PIK3CB: variants seen among roughly 807,000 people sequenced by gnomAD.
The protein encoded by PIK3CB is phosphatidylinositol 4,5-bisphosphate 3-kinase catalytic subunit beta isoform.
Under a neutral mutation model 136.8 loss-of-function variants are expected in PIK3CB, and 39 were observed. That is an observed-to-expected ratio of 0.29 (90% CI 0.22 to 0.37). PIK3CB has a LOEUF of 0.37. Among genes scored for constraint, PIK3CB ranks in the 10% least tolerant of loss-of-function variants. PIK3CB has a pLI of 1.00. For missense variants in PIK3CB, 868 were observed against 1,275.4 expected, an observed-to-expected ratio of 0.68 and a Z score of 4.87; for synonymous variants, 428 against 436.6, an observed-to-expected ratio of 0.98 and a Z score of 0.25.
At chr3:138,705,200 A>AAAAAAAAAAAAT (rs2044353746) in intron 11 of PIK3CB, among the ~76,000 whole-genome samples, 2 of 144,258 alleles carry the variant, frequency 1.4e-5, no homozygotes, top group Non-Finnish European at 3.0e-5. Flanking sequence ...CAAAAAAAAA[A>AAAAAAAAAAAAT]ACTTATATTT....
At chr3:138,740,430 C>T (rs551992703) in intron 5 of PIK3CB, among the ~76,000 whole-genome samples, 1 of 152,108 alleles carries the variant, frequency 6.6e-6, no homozygotes, top group Non-Finnish European at 1.5e-5. Context: ...TTATAAGCCA[C>T]CCAGTCTATG....
intron 1 of PIK3CB, among the ~76,000 whole-genome samples, chr3:138,811,500 A>ACTGCAACCTCCGCCTCC: frequency 6.7e-6 from 1 of 148,780 alleles, no homozygotes; most frequent in East Asian, 2.0e-4. Flanking sequence ...ATCTCGGCTC[A>ACTGCAACCTCCGCCTCC]CTGCAACCTC....
At chr3:138,656,718 T>G (rs963435355) in intron 22 of PIK3CB, among the ~76,000 whole-genome samples, 1 of 152,158 alleles carries the variant, frequency 6.6e-6, no homozygotes, top group Non-Finnish European at 1.5e-5. Context: ...TGCTCCTTCC[T>G]GTCATCCTGC....
At chr3:138,742,066 GATTAGGCTTT>G (rs1559855166) in intron 5 of PIK3CB, among the ~76,000 whole-genome samples, 1 of 152,132 alleles carries the variant, frequency 6.6e-6, no homozygotes, top group East Asian at 1.9e-4. Context: ...AGACCATTTT[GATTAGGCTTT>G]CATTTCTACC....
At position 138,742,654 on chromosome 3, in the gene PIK3CB, T is replaced by G. The variant is rs1193575297; in HGVS notation, c.525A>C (p.Thr175=). The change falls in exon 5 of 24, where the codon ACA becomes ACC. Residue 175 remains threonine, a synonymous_variant. Coordinates refer to ENST00000674063, the MANE Select transcript of PIK3CB (RefSeq NM_006219.3). ...GLSWMDWLKQ[T]YPPEHEPSIP... is the part of the protein sequence containing the mutation. ...TGGATGGTTCATGCTCTGGTGGATATGTTTGTTTTAGCCAGTCCATCCAAG... is the reference window on the plus strand; with the variant it reads ...TGGATGGTTCATGCTCTGGTGGATAGGTTTGTTTTAGCCAGTCCATCCAAG... 6.2e-7 allele frequency: 1 copy of G among 1,609,824 alleles called. No individual in the cohort carries two copies. The highest frequency in any genetic ancestry group is 8.5e-7 in the Non-Finnish European group (1 of 1,176,148).
chr3:138,740,809 T>C (rs758778601), intron 5 of PIK3CB, among the ~76,000 whole-genome samples: 17 of 152,064 alleles, frequency 1.1e-4, no homozygotes, highest in Non-Finnish European at 1.9e-4. Context: ...TGCACCACCA[T>C]GCCCAGGTAA....
intron 1 of PIK3CB, among the ~76,000 whole-genome samples, chr3:138,828,765 C>T (rs1422856143): frequency 6.6e-6 from 1 of 151,614 alleles, no homozygotes; most frequent in African/African-American, 2.4e-5. Context: ...GGAGACCCCG[C>T]CTCTAAAAAA....
intron 1 of PIK3CB, among the ~76,000 whole-genome samples, chr3:138,808,306 A>G (rs1439677485): frequency 6.6e-6 from 1 of 152,160 alleles, no homozygotes; most frequent in Non-Finnish European, 1.5e-5. Context: ...AAGTGCAAAA[A>G]ACAACCTCTC....
chr3:138,726,977 G>C (rs1012232035), intron 8 of PIK3CB, among the ~76,000 whole-genome samples: 1 of 152,110 alleles, frequency 6.6e-6, no homozygotes, highest in Non-Finnish European at 1.5e-5. Flanking sequence ...CTTGAACCCA[G>C]GAAGTCAAGG....
At chr3:138,715,119 T>C (rs1177370333) in intron 8 of PIK3CB, among the ~76,000 whole-genome samples, 2 of 152,238 alleles carry the variant, frequency 1.3e-5, no homozygotes, top group South Asian at 2.1e-4. Flanking sequence ...CCCTTCTCTA[T>C]GTGTAGGAAA....
At chr3:138,757,341 T>C (rs531596733) in intron 3 of PIK3CB, among the ~76,000 whole-genome samples, 7 of 151,706 alleles carry the variant, frequency 4.6e-5, no homozygotes, top group African/African-American at 1.7e-4. Flanking sequence ...GAGGCGGAGG[T>C]TGCAGTAAGC....
chr3:138,731,852 G>A (rs773887750), intron 8 of PIK3CB, among the ~76,000 whole-genome samples: 1 of 151,698 alleles, frequency 6.6e-6, no homozygotes, highest in East Asian at 2.0e-4. Flanking sequence ...GTGTGGTGGC[G>A]TGTGCCTGTA....
intron 2 of PIK3CB, among the ~76,000 whole-genome samples, chr3:138,773,966 T>C (rs1269543975): frequency 6.6e-6 from 1 of 152,306 alleles, no homozygotes; most frequent in East Asian, 1.9e-4. Flanking sequence ...TTTCCCTAAA[T>C]AGATAAAATT....
At chr3:138,776,291 C>T (rs947587109) in intron 2 of PIK3CB, among the ~76,000 whole-genome samples, 3 of 152,140 alleles carry the variant, frequency 2.0e-5, no homozygotes, top group South Asian at 2.1e-4. Flanking sequence ...CCTGACTGAA[C>T]GTAGCTACTA....
chr3:138,788,964 CAAAAAAAAAAAAAAAA>C (rs57432821), intron 2 of PIK3CB, among the ~76,000 whole-genome samples: 1 of 89,494 alleles, frequency 1.1e-5, no homozygotes, highest in Non-Finnish European at 2.2e-5. Flanking sequence ...GACTTCGTCT[CAAAAAAAAAAAAAAAA>C]AAAAAAAAAA....
At chr3:138,722,680 T>A (rs1307354206) in intron 8 of PIK3CB, among the ~76,000 whole-genome samples, 1 of 150,136 alleles carries the variant, frequency 6.7e-6, no homozygotes. Context: ...AGGGATGAGC[T>A]GCTATAAAAG....
At chr3:138,808,196 T>G (rs2046254588) in intron 1 of PIK3CB, among the ~76,000 whole-genome samples, 1 of 152,118 alleles carries the variant, frequency 6.6e-6, no homozygotes, top group African/African-American at 2.4e-5. Context: ...CATTTCTTTT[T>G]CTAACTATAA....
chr3:138,761,409 G>C, intron 2 of PIK3CB, among the ~76,000 whole-genome samples: 1 of 152,354 alleles, frequency 6.6e-6, no homozygotes, highest in South Asian at 2.1e-4. Context: ...TGGAAGGACT[G>C]TTAAAGAATT....
In PIK3CB at chr3:138,684,756, C is replaced by G. The variant is rs2043848943; in HGVS notation, c.2184G>C (p.Leu728=). 6.2e-7 allele frequency: 1 copy of G among 1,613,984 alleles called. No individual in the cohort carries two copies. The highest frequency in any genetic ancestry group is 1.1e-5 in the South Asian group (1 of 91,076). ...KLKTLNSLIK[L]NAVKLNRAKG... ...TGGCTCTGTTTAACTTCACGGCATT[C>G]AGTTTGATTAAACTATTTAAAGTTT... is the stretch of plus-strand genomic sequence containing the variant. The change falls in exon 17 of 24, where the codon CTG becomes CTC. Residue 728 remains leucine (L), a synonymous_variant. Coordinates refer to ENST00000674063, the MANE Select transcript of PIK3CB (RefSeq NM_006219.3).
Sources: allele counts gnomAD v4.1 joint callset (sites outside exome capture counted in the v4.1 genomes callset), GRCh38; gene constraint gnomAD v4.1.1; transcripts MANE v1.5; gene names NCBI Gene and HGNC (gene_info 2026-07-23, HGNC 2026-07-21).